The following USP9Y variants were observed in gnomAD, a reference collection of about 807,000 sequenced individuals.
USP9Y encodes ubiquitin specific peptidase 9 Y-linked, also known as ubiquitin carboxyl-terminal hydrolase 9Y.
Under a neutral mutation model 53.1 loss-of-function variants are expected in USP9Y, and 41 were observed. That is an observed-to-expected ratio of 0.77 (90% confidence interval 0.60 to 1.00). The LOEUF is 1.00. Among genes scored for constraint, USP9Y ranks in the 50% least tolerant of loss-of-function variants. The probability of loss-of-function intolerance (pLI) is 0.00; values close to 1 mark genes in which losing one functional copy is unlikely to be tolerated. For missense variants in USP9Y, 567 were observed against 535.8 expected, an observed-to-expected ratio of 1.06 and a Z score of -0.58; for synonymous variants, 220 against 173.7, an observed-to-expected ratio of 1.27 and a Z score of -2.09.
At chrY:12,776,137 A>G in intron 18 of USP9Y, among the ~76,000 whole-genome samples, 1 of 27,612 alleles carries the variant, frequency 3.6e-5, no homozygotes, top group Non-Finnish European at 8.6e-5. Context: ...CCGACTGGAC[A>G]TTCACTTTTT....
At chrY:12,746,044 A>G (rs2053460467) in intron 12 of USP9Y, among the ~76,000 whole-genome samples, 2 of 34,125 alleles carry the variant, frequency 5.9e-5, no homozygotes, top group Non-Finnish European at 7.3e-5. Context: ...AGATTCAAGC[A>G]AGACAACAAT....
intron 3 of USP9Y, among the ~76,000 whole-genome samples, chrY:12,712,800 T>A: frequency 3.0e-5 from 1 of 33,202 alleles, no homozygotes; most frequent in Non-Finnish European, 7.4e-5. Context: ...TTTCTAAGCT[T>A]ATTAATCATA....
chrY:12,859,648 G>A lies in USP9Y; in HGVS notation c.*232G>A. The A allele has an allele frequency of 9.3e-6, 1 of 107,953 alleles. No homozygotes were observed. The highest frequency in any genetic ancestry group is 1.9e-5 in the Non-Finnish European group (1 of 52,608). 26.9% of individuals were successfully genotyped at this position (107,953 alleles called of 400,897 possible). A position where few individuals can be genotyped will look rare whatever the true frequency, so the allele number is the denominator to read the frequency against. On this transcript the variant is annotated 3_prime_UTR_variant, in exon 46 of 46. Coordinates refer to ENST00000338981, the MANE Select transcript of USP9Y (RefSeq NM_004654.4). ...AAATGACTGGTCCTAATCTGTAAAT[G>A]AGAAAGGTATATATACTATGTTAAT...
Position 12,725,203 on chromosome Y carries a change from G to A in USP9Y, c.416G>A (p.Ser139Asn). ...FTKILMDEAVSGWKFEIHRCI... is the reference protein window; with the variant it reads ...FTKILMDEAVNGWKFEIHRCI... ...AAAATTCTTATGGATGAGGCTGTGA[G>A]TGGCTGGAAGTTTGAAATTCATGTG... The change falls in exon 6 of 46, where the codon AGT (serine) becomes AAT (asparagine). Residue 139 changes from serine (S) to asparagine (N), a missense_variant. Physicochemically the swap from Ser to Asn is conservative, Grantham distance 46. Coordinates refer to ENST00000338981, the MANE Select transcript of USP9Y (RefSeq NM_004654.4). The A allele has an allele frequency of 2.5e-6, 1 of 393,643 alleles. No homozygotes were observed. Among genetic ancestry groups the A allele is most frequent in the East Asian group, 9.3e-5 (1 of 10,796 alleles).
chrY:12,760,452 CTTA>C (rs1450736471), intron 14 of USP9Y, 29 bp from the exon 15 acceptor site: 2 of 392,338 alleles, frequency 5.1e-6, no homozygotes, highest in African/African-American at 1.3e-4. Flanking sequence ...TTTCATGTGC[CTTA>C]TTATACTGTT....
chrY:12,705,669 G>A, intron 1 of USP9Y, among the ~76,000 whole-genome samples: 1 of 32,753 alleles, frequency 3.1e-5, no homozygotes, highest in South Asian at 6.8e-4. Context: ...TTATGATTGT[G>A]TCTTTCCCTG....
chrY:12,744,948 A>G, intron 12 of USP9Y, among the ~76,000 whole-genome samples: 1 of 33,593 alleles, frequency 3.0e-5, no homozygotes. Context: ...GCCCTGAACT[A>G]GAACATTGTT....
intron 45 of USP9Y, 88 bp downstream of exon 45, chrY:12,857,749 G>C: frequency 4.6e-6 from 1 of 217,925 alleles, no homozygotes; most frequent in Non-Finnish European, 7.6e-6. Context: ...TAAATATTTT[G>C]AAAGTCCAAA....
intron 26 of USP9Y, among the ~76,000 whole-genome samples, chrY:12,792,557 A>T (rs549429565): frequency 2.6e-4 from 9 of 34,545 alleles, no homozygotes; most frequent in African/African-American, 5.6e-4. Context: ...TTTTAGGAAT[A>T]GTTGAATGGT....
intron 27 of USP9Y, among the ~76,000 whole-genome samples, chrY:12,809,013 G>A: frequency 3.0e-5 from 1 of 33,759 alleles, no homozygotes; most frequent in South Asian, 6.6e-4. Context: ...CCTGGCATAA[G>A]CCTACTTAGC....
chrY:12,742,627 A>G, intron 12 of USP9Y, among the ~76,000 whole-genome samples: 1 of 33,302 alleles, frequency 3.0e-5, no homozygotes, highest in African/African-American at 1.2e-4. Context: ...AATAACTACT[A>G]ATAAAATACT....
In USP9Y at chrY:12,758,570, A is replaced by G; in HGVS notation, c.1694A>G (p.Lys565Arg). The change falls in exon 14 of 46, where the codon AAG (lysine) becomes AGG (arginine). Residue 565 changes from lysine to arginine, a missense_variant. Coordinates refer to ENST00000338981, the MANE Select transcript of USP9Y (RefSeq NM_004654.4). ...ATAGAAGAACTTCGCACAAATGACA[A>G]GTGGGTAATTCCTGCTCTGAAACAA... ...HFIEELRTND[K>R]WVIPALKQIR... is the part of the protein sequence containing the mutation. 1 of 385,827 alleles carries G rather than the reference A, an allele frequency of 2.6e-6. No homozygotes were observed. Among genetic ancestry groups the G allele is most frequent in the South Asian group, 3.1e-5 (1 of 32,521 alleles).
chrY:12,778,185 T>C lies in USP9Y; in HGVS notation c.2806T>C (p.Phe936Leu). The change falls in exon 20 of 46, where the codon TTT becomes CTT. Residue 936 changes from phenylalanine (F) to leucine (L), a missense_variant. Coordinates refer to ENST00000338981, the MANE Select transcript of USP9Y (RefSeq NM_004654.4). The stretch of plus-strand genomic sequence containing the variant: ...TGTAGCCCACAAAAAAATTGAACTT[T>C]TTGTGGGTGGTGAGCTGATAGATTC... ...ANVAHKKIEL[F>L]VGGELIDSED... is the part of the protein sequence containing the mutation. The C allele has an allele frequency of 1.0e-5, 4 of 397,423 alleles. No individual in the cohort carries two copies. The highest frequency in any genetic ancestry group is 1.4e-5 in the Non-Finnish European group (4 of 282,827).
intron 42 of USP9Y, among the ~76,000 whole-genome samples, chrY:12,853,203 C>T: frequency 2.9e-5 from 1 of 33,968 alleles, no homozygotes; most frequent in African/African-American, 1.1e-4. Flanking sequence ...GTTCAGGCTT[C>T]CCAGCTGCTT....
intron 32 of USP9Y, 100 bp downstream of exon 32, chrY:12,816,444 T>C: frequency 4.6e-6 from 1 of 216,834 alleles, no homozygotes; most frequent in East Asian, 1.1e-4. Flanking sequence ...GGACTACATT[T>C]TGATGATACA....
intron 34 of USP9Y, 54 bp from the exon 35 acceptor site, chrY:12,837,857 A>T: frequency 3.8e-6 from 1 of 265,482 alleles, no homozygotes; most frequent in East Asian, 1.1e-4. Flanking sequence ...AAAAAAAAAA[A>T]ACTAAACCTA....
At chrY:12,724,871 A>G (rs760704420) in intron 5 of USP9Y, among the ~76,000 whole-genome samples, 33 of 32,798 alleles carry the variant, frequency 1.0e-3, no homozygotes, top group Admixed American at 9.3e-3. Flanking sequence ...GAGTTACATT[A>G]CTTGATTTGA....
chrY:12,834,504 C>T, intron 34 of USP9Y, among the ~76,000 whole-genome samples: 1 of 33,320 alleles, frequency 3.0e-5, no homozygotes, highest in Non-Finnish European at 7.4e-5. Context: ...CCTGCTTTGT[C>T]CTTCTCAGGA....
At chrY:12,777,348 C>A in intron 19 of USP9Y, among the ~76,000 whole-genome samples, 3 of 32,771 alleles carry the variant, frequency 9.2e-5, no homozygotes, top group Non-Finnish European at 2.3e-4. Context: ...AATTCTATAG[C>A]ATGTGATACG....
Sources: allele counts gnomAD v4.1 joint callset (sites outside exome capture counted in the v4.1 genomes callset), GRCh38; gene constraint gnomAD v4.1.1; transcripts MANE v1.5; gene names NCBI Gene and HGNC (gene_info 2026-07-23, HGNC 2026-07-21).